ATAD3A: variants seen among roughly 807,000 people sequenced by gnomAD.
The protein encoded by ATAD3A is ATPase family AAA domain-containing protein 3A.
ATAD3A carries 46 observed loss-of-function variants against 73.8 expected under a neutral mutation model. The ratio of observed to expected loss-of-function variants is 0.62; its 90% CI spans 0.49 to 0.80. ATAD3A has a LOEUF of 0.80. Among genes scored for constraint, ATAD3A ranks in the 30% least tolerant of loss-of-function variants. The probability of loss-of-function intolerance (pLI) is 0.00; values close to 1 mark genes in which losing one functional copy is unlikely to be tolerated. For missense variants in ATAD3A, 705 were observed against 838.0 expected, an observed-to-expected ratio of 0.84 and a Z score of 1.96; for synonymous variants, 319 against 350.0, an observed-to-expected ratio of 0.91 and a Z score of 0.99.
chr1:1,526,684 CCAGCTCGGGA>C (rs1238747577), intron 13 of ATAD3A, among the ~76,000 whole-genome samples, 153 bp downstream of exon 13: 1 of 152,218 alleles, frequency 6.6e-6, no homozygotes, highest in Non-Finnish European at 1.5e-5. Context: ...TGGGAACGGC[CCAGCTCGGGA>C]CAGCACGGGG....
In ATAD3A at chr1:1,516,000, T is replaced by C. The variant is rs9439458; in HGVS notation, c.206-12T>C. 323,870 of 1,613,412 alleles carry C rather than the reference T, an allele frequency of 0.2. 52,037 individuals are homozygous for C. The highest frequency in any genetic ancestry group is 0.76 in the African/African-American group (56,675 of 74,970). On this transcript the variant is annotated splice_polypyrimidine_tract_variant and intron_variant, in intron 1 of 15. Transcript: ENST00000378756. ...ATCCTAACACCTGCCCTCCGTGTCCTTGCGTCTGCAGGTTATGCCAAGGAC... is the reference window on the plus strand; with the variant it reads ...ATCCTAACACCTGCCCTCCGTGTCCCTGCGTCTGCAGGTTATGCCAAGGAC...
At chr1:1,522,954 G>A (rs1641659216) in intron 8 of ATAD3A, 55 bp downstream of exon 8, 2 of 1,586,542 alleles carry the variant, frequency 1.3e-6, no homozygotes, top group Admixed American at 1.8e-5. Context: ...AGTCCCTTCT[G>A]CCCCACGAGC....
At position 1,519,650 on chromosome 1, in the gene ATAD3A, G is replaced by A. The variant is rs1411425572; in HGVS notation, c.515-491G>A. 4.2e-5 allele frequency among the ~76,000 whole-genome samples: 5 copies of A among 120,128 alleles called. No individual in the cohort carries two copies. The East Asian group carries it at 1.2e-3, about 28-fold the overall frequency. The allele number at this position is 120,128 out of a possible 152,430, so 78.8% of individuals were successfully genotyped here. ...ACCACTCTTCACCGTGGGTGGGCTTGTGGCGAGGTGTGTGCGTTTAATGTT... is the reference window on the plus strand; with the variant it reads ...ACCACTCTTCACCGTGGGTGGGCTTATGGCGAGGTGTGTGCGTTTAATGTT... On this transcript the variant is annotated intron_variant, in intron 5 of 15. Transcript: ENST00000378756.
intron 4 of ATAD3A, among the ~76,000 whole-genome samples, chr1:1,518,615 G>A (rs1338227262): frequency 1.3e-5 from 1 of 79,190 alleles, no homozygotes; most frequent in Non-Finnish European, 2.0e-5. Context: ...ACACACGGGC[G>A]TACACACCCC....
Position 1,534,135 on chromosome 1 carries a change from C to G in ATAD3A, c.*63C>G. The stretch of plus-strand genomic sequence containing the variant: ...CGGACCCCTCCCACCCCTGCCTTGC[C>G]GGCCCCTGCACATTTAGGATATGCT... On this transcript the variant is annotated 3_prime_UTR_variant, in exon 16 of 16. Coordinates refer to ENST00000378756, the MANE Select transcript of ATAD3A (RefSeq NM_001170535.3). 6.2e-7 allele frequency: 1 copy of G among 1,607,984 alleles called. No individual in the cohort carries two copies.
chr1:1,518,561 C>T (rs550548021), intron 4 of ATAD3A, among the ~76,000 whole-genome samples: 5 of 131,122 alleles, frequency 3.8e-5, no homozygotes, highest in Non-Finnish European at 6.4e-5. Context: ...CACGCCTTCC[C>T]GTCACAGGGA....
chr1:1,523,743 G>A lies in ATAD3A; in HGVS notation c.964-96G>A. Reference sequence around the variant, plus strand: ...GCCCCTGAGGTGGGAGGCTTCCCGAGGAGCCGAGTCTGCACCCAGGCATTC... The same window carrying A: ...GCCCCTGAGGTGGGAGGCTTCCCGAAGAGCCGAGTCTGCACCCAGGCATTC... On this transcript the variant is annotated intron_variant, in intron 9 of 15. Coordinates refer to ENST00000378756, the MANE Select transcript of ATAD3A (RefSeq NM_001170535.3). The surrounding 1 kb of genome is among the most constrained non-coding windows in gnomAD (Gnocchi z 5.1). 6.3e-7 allele frequency: 1 copy of A among 1,594,550 alleles called. No individual in the cohort carries two copies. The highest frequency in any genetic ancestry group is 8.6e-7 in the Non-Finnish European group (1 of 1,169,136).
At chr1:1,524,221 T>G in intron 10 of ATAD3A, 52 bp from the exon 11 acceptor site, 1 of 1,613,480 alleles carries the variant, frequency 6.2e-7, no homozygotes, top group African/African-American at 1.3e-5. Context: ...GTGCAGGCTT[T>G]GCAGAGGCGG....
At position 1,520,456 on chromosome 1, in the gene ATAD3A, G is replaced by A; in HGVS notation, c.681-92G>A. 6.2e-7 allele frequency: 1 copy of A among 1,608,646 alleles called. No homozygotes were observed. The highest frequency in any genetic ancestry group is 1.7e-5 in the Admixed American group (1 of 59,882). On this transcript the variant is annotated intron_variant, in intron 6 of 15. Transcript: ENST00000378756. The surrounding 1 kb of genome is among the most constrained non-coding windows in gnomAD (Gnocchi z 4.0). ...TGCCCCTCTGTCCTGGCAAGGCCGT[G>A]CCGCCATGTCAGGGCCTCACCCTCA...
rs1030219297 is a variant in ATAD3A, at chr1:1,522,608, C to G, written c.751-136C>G. On this transcript the variant is annotated intron_variant, in intron 7 of 15. Transcript: ENST00000378756. ...TGTGGGATTCGGGGCCGGGAATTCG[C>G]GTTCCTGTGGGGCCAGTGCACGGCC... is the stretch of plus-strand genomic sequence containing the variant. The G allele has an allele frequency of 3.5e-5, 52 of 1,490,648 alleles. No homozygotes were observed. The South Asian group carries it at 3.7e-4, about 11-fold the overall frequency. 92.3% of individuals were successfully genotyped at this position (1,490,648 alleles called of 1,614,324 possible). A position where few individuals can be genotyped will look rare whatever the true frequency, so the allele number is the denominator to read the frequency against.
At chr1:1,513,030 C>T (rs1570314809) in intron 1 of ATAD3A, among the ~76,000 whole-genome samples, 4 of 152,384 alleles carry the variant, frequency 2.6e-5, no homozygotes, top group African/African-American at 9.6e-5. Context: ...ACCCAAGGCC[C>T]TCAGGGTGTG....
At chr1:1,515,748 C>T (rs957144833) in intron 1 of ATAD3A, among the ~76,000 whole-genome samples, 5 of 152,200 alleles carry the variant, frequency 3.3e-5, no homozygotes, top group East Asian at 1.9e-4. Flanking sequence ...AGCCTCCTCC[C>T]GTCCACGTGG....
intron 4 of ATAD3A, among the ~76,000 whole-genome samples, chr1:1,518,066 C>T (rs372297233): frequency 1.3e-4 from 19 of 151,652 alleles, no homozygotes; most frequent in African/African-American, 3.2e-4. Flanking sequence ...TCTGCACACA[C>T]GGGCACACAC....
intron 7 of ATAD3A, 137 bp from the exon 8 acceptor site, chr1:1,522,607 G>A (rs1345625197): frequency 1.0e-5 from 15 of 1,488,044 alleles, no homozygotes; most frequent in Admixed American, 4.6e-5. Flanking sequence ...CCGGGAATTC[G>A]CGTTCCTGTG....
rs1191013266 is a variant in ATAD3A at position 1,518,403 on chromosome 1, G to GC, written c.445-511dup. Among the ~76,000 whole-genome samples the GC allele has an allele frequency of 3.3e-4, 40 of 120,058 alleles. No individual in the cohort carries two copies. The Middle Eastern group carries it at 0.02, about 61-fold the overall frequency. The allele number at this position is 120,058 out of a possible 152,430, so 78.8% of individuals were successfully genotyped here. ...CGCACACCCACACACACATGGGCATGCCCCCCCATAGACGGACACACACAC... is the reference window on the plus strand; with the variant it reads ...CGCACACCCACACACACATGGGCATGCCCCCCCCATAGACGGACACACACAC... On this transcript the variant is annotated intron_variant, in intron 4 of 15. Transcript: ENST00000378756.
Position 1,534,008 on chromosome 1 carries a change from A to G in ATAD3A, c.1697A>G (p.Gln566Arg), listed in dbSNP as rs528563454. 3.8e-4 allele frequency: 619 copies of G among 1,613,600 alleles called. No homozygotes were observed. The highest frequency in any genetic ancestry group is 4.7e-4 in the Non-Finnish European group (558 of 1,179,910). ...TRVQDAVQQH[Q>R]QKMCWLKAEG... ...GTGCAAGATGCTGTCCAGCAGCACC[A>G]GCAGAAGATGTGCTGGCTGAAGGCG... Residue 566 changes from glutamine (Q) to arginine (R), a missense_variant, in exon 16 of 16, where the codon CAG (glutamine) becomes CGG (arginine). Gln to Arg is a conservative substitution (Grantham distance 43). Coordinates refer to ENST00000378756, the MANE Select transcript of ATAD3A (RefSeq NM_001170535.3).
chr1:1,522,795 A>G lies in ATAD3A; in HGVS notation c.802A>G (p.Thr268Ala), dbSNP rs1279164820. ...AVGVYSAKNA[T>A]LVAGRFIEAR... ...TGGGGTCTACTCAGCCAAGAATGCC[A>G]CGCTTGTCGCCGGCCGCTTCATCGA... The change falls in exon 8 of 16, where the codon ACG (threonine) becomes GCG (alanine). Residue 268 changes from threonine to alanine, a missense_variant. Transcript: ENST00000378756. 1.9e-6 allele frequency: 3 copies of G among 1,611,358 alleles called. No homozygotes were observed. Among genetic ancestry groups the G allele is most frequent in the Non-Finnish European group, 2.5e-6 (3 of 1,179,760 alleles).
intron 11 of ATAD3A, 30 bp from the exon 12 acceptor site, chr1:1,525,210 C>A (rs116637550): frequency 2.5e-6 from 4 of 1,613,204 alleles, no homozygotes; most frequent in Non-Finnish European, 3.4e-6. Context: ...GTGTCACTCT[C>A]GCCCTGCTTG....
intron 15 of ATAD3A, among the ~76,000 whole-genome samples, chr1:1,529,859 A>C (rs1641977943): frequency 6.6e-6 from 1 of 152,218 alleles, no homozygotes. Context: ...CTGAGGAGCC[A>C]GGACTCACAG....
Sources: gnomAD v4.1 joint callset for allele counts (sites outside exome capture counted in the v4.1 genomes callset) on GRCh38, gnomAD v4.1.1 for gene constraint, Gnocchi (gnomAD v3.1) non-coding constraint, MANE v1.5 for transcripts, NCBI Gene and HGNC (gene_info 2026-07-23, HGNC 2026-07-21) for gene names.